FHIT: variants seen among roughly 807,000 people sequenced by gnomAD.
FHIT encodes the protein bis(5'-adenosyl)-triphosphatase.
In FHIT, 19 loss-of-function variants were observed where a neutral mutation model predicts 17.9. The ratio of observed to expected loss-of-function variants is 1.06; its 90% confidence interval spans 0.74 to 1.56. The LOEUF is 1.56. Ranked by LOEUF, FHIT falls within the 40% of genes most tolerant of loss-of-function variation. The pLI is 0.00. For synonymous variants in FHIT, 81 were observed against 69.7 expected, an observed-to-expected ratio of 1.16 and a Z score of -0.81; for missense variants, 248 against 189.2, an observed-to-expected ratio of 1.31 and a Z score of -1.82.
rs558533010 is a variant in FHIT at position 60,800,262 on chromosome 3, G to A, written c.-18+21657C>T. 6.6e-5 allele frequency among the ~76,000 whole-genome samples: 10 copies of A among 152,202 alleles called. No homozygotes were observed. In the East Asian group the frequency reaches 1.7e-3, roughly 26 times the overall value. On this transcript the variant is annotated intron_variant, in intron 4 of 9. Coordinates refer to ENST00000492590, the MANE Select transcript of FHIT (RefSeq NM_002012.4). Reference sequence around the variant, plus strand: ...GTACCCTTTTCAGCCCCAAATAATAGGTCTTGATTTCTACATTTATTATCT... The same window carrying A: ...GTACCCTTTTCAGCCCCAAATAATAAGTCTTGATTTCTACATTTATTATCT...
chr3:60,884,013 T>C (rs1228267320), intron 3 of FHIT, among the ~76,000 whole-genome samples: 7 of 152,102 alleles, frequency 4.6e-5, no homozygotes, highest in East Asian at 1.9e-4. Flanking sequence ...AACAACTCAA[T>C]AGCAGAAATG....
In FHIT at chr3:60,850,027, G is replaced by T. The variant is rs148643526; in HGVS notation, c.-110-28016C>A. On this transcript the variant is annotated intron_variant, in intron 3 of 9. Transcript: ENST00000492590. ...GGCAATAGCATCCATGAGCCCAGGC[G>T]ATGTCAGGGATTCTTGTTTTTATCT... 2.0e-5 allele frequency among the ~76,000 whole-genome samples: 3 copies of T among 152,110 alleles called. No individual in the cohort carries two copies. The East Asian group carries it at 5.8e-4, about 29-fold the overall frequency.
At chr3:60,309,352 C>T (rs1000462547) in intron 5 of FHIT, among the ~76,000 whole-genome samples, 3 of 151,860 alleles carry the variant, frequency 2.0e-5, no homozygotes, top group African/African-American at 4.8e-5. Context: ...ACTTCTGACA[C>T]TTTGGTATAT....
intron 5 of FHIT, among the ~76,000 whole-genome samples, chr3:60,107,879 A>C (rs935015335): frequency 6.6e-6 from 1 of 152,230 alleles, no homozygotes; most frequent in African/African-American, 2.4e-5. Flanking sequence ...AAATACAGGA[A>C]AGAATAGTGT....
At chr3:59,837,216 C>T (rs952652784) in intron 8 of FHIT, among the ~76,000 whole-genome samples, 2 of 152,126 alleles carry the variant, frequency 1.3e-5, no homozygotes, top group Non-Finnish European at 2.9e-5. Context: ...CCAATACAGT[C>T]ATCCCTTGGT....
At chr3:61,222,759 G>A (rs933304620) in intron 1 of FHIT, among the ~76,000 whole-genome samples, 10 of 152,176 alleles carry the variant, frequency 6.6e-5, no homozygotes, top group African/African-American at 1.2e-4. Context: ...GAAATGAGCT[G>A]TGAACATAAC....
Position 61,055,496 on chromosome 3 carries a change from C to T in FHIT, c.-163-13397G>A, listed in dbSNP as rs572112324. 2.0e-5 allele frequency among the ~76,000 whole-genome samples: 3 copies of T among 152,298 alleles called. 1 individual carries two copies. The South Asian group carries it at 6.2e-4, about 32-fold the overall frequency. ...ATAGTGTTTTTCACCATATGCTATC[C>T]ACTGACCCTCATCAAGCTCCAACCA... On this transcript the variant is annotated intron_variant, in intron 2 of 9. Coordinates refer to ENST00000492590, the MANE Select transcript of FHIT (RefSeq NM_002012.4).
intron 5 of FHIT, among the ~76,000 whole-genome samples, chr3:60,337,482 T>A (rs1439306100): frequency 2.0e-5 from 3 of 152,230 alleles, no homozygotes; most frequent in African/African-American, 7.2e-5. Flanking sequence ...AATGATGCAA[T>A]CATTCTTCCT....
At chr3:59,861,577 C>T (rs911040926) in intron 8 of FHIT, among the ~76,000 whole-genome samples, 9 of 152,156 alleles carry the variant, frequency 5.9e-5, no homozygotes, top group African/African-American at 1.9e-4. Context: ...ATATTCCCTC[C>T]TTGATAATGC....
At chr3:59,958,276 T>C (rs1243816764) in intron 7 of FHIT, among the ~76,000 whole-genome samples, 1 of 152,202 alleles carries the variant, frequency 6.6e-6, no homozygotes, top group Admixed American at 6.5e-5. Context: ...AGCAAACTAT[T>C]AGCTCATAAT....
intron 3 of FHIT, among the ~76,000 whole-genome samples, chr3:60,938,846 T>C (rs1013712112): frequency 1.3e-5 from 2 of 151,468 alleles, no homozygotes; most frequent in Non-Finnish European, 2.9e-5. Flanking sequence ...AGAAACATAA[T>C]TTGAATGGGA....
At chr3:60,514,500 G>A (rs1260507583) in intron 5 of FHIT, among the ~76,000 whole-genome samples, 2 of 152,208 alleles carry the variant, frequency 1.3e-5, no homozygotes, top group Non-Finnish European at 2.9e-5. Context: ...TCGAGGAGGT[G>A]GGGAGAAGGA....
intron 3 of FHIT, among the ~76,000 whole-genome samples, chr3:60,975,344 G>A (rs1309134500): frequency 6.6e-6 from 1 of 152,134 alleles, no homozygotes; most frequent in Non-Finnish European, 1.5e-5. Context: ...CCATGAGGCA[G>A]GCACATGTCA....
At chr3:59,960,465 G>A (rs1484032506) in intron 7 of FHIT, among the ~76,000 whole-genome samples, 1 of 152,090 alleles carries the variant, frequency 6.6e-6, no homozygotes, top group East Asian at 1.9e-4. Flanking sequence ...TGGCCTTGTT[G>A]ACTTTGGAAT....
intron 2 of FHIT, among the ~76,000 whole-genome samples, chr3:61,067,756 C>G (rs1404371648): frequency 6.6e-6 from 1 of 152,192 alleles, no homozygotes; most frequent in African/African-American, 2.4e-5. Context: ...AAGGTTATCT[C>G]TTTGGAGATG....
intron 3 of FHIT, among the ~76,000 whole-genome samples, chr3:60,883,046 C>T (rs1370639706): frequency 1.3e-5 from 2 of 152,008 alleles, no homozygotes; most frequent in African/African-American, 4.8e-5. Context: ...ATACAAAAAT[C>T]AGTACCATTT....
At chr3:59,981,528 C>A (rs979049257) in intron 7 of FHIT, among the ~76,000 whole-genome samples, 5 of 152,218 alleles carry the variant, frequency 3.3e-5, no homozygotes, top group Non-Finnish European at 5.9e-5. Flanking sequence ...TCATTACACA[C>A]AGATTCCCAC....
At chr3:59,753,390 A>G (rs987638220) in intron 8 of FHIT, among the ~76,000 whole-genome samples, 2 of 152,220 alleles carry the variant, frequency 1.3e-5, no homozygotes, top group Non-Finnish European at 2.9e-5. Context: ...TGTATGTCTC[A>G]GATTTACATA....
At chr3:60,606,557 T>A (rs1159386125) in intron 4 of FHIT, among the ~76,000 whole-genome samples, 1 of 152,150 alleles carries the variant, frequency 6.6e-6, no homozygotes, top group African/African-American at 2.4e-5. Context: ...AGCATCTTGA[T>A]TCACTTTTAG....
Sources: allele counts gnomAD v4.1 joint callset (sites outside exome capture counted in the v4.1 genomes callset), GRCh38; gene constraint gnomAD v4.1.1; transcripts MANE v1.5; gene names NCBI Gene and HGNC (gene_info 2026-07-23, HGNC 2026-07-21).